The following MUC12 variants were observed in gnomAD, a reference collection of about 807,000 sequenced individuals.
The protein encoded by MUC12 is mucin 12, cell surface associated, also known as mucin-12.
MUC12 carries 172 observed loss-of-function variants against 230.8 expected under a neutral mutation model. That is an observed-to-expected ratio of 0.75 (90% CI 0.66 to 0.85). MUC12 has a LOEUF of 0.85. Ranked by LOEUF, MUC12 falls within the 40% of genes least tolerant of loss-of-function variation. The probability of loss-of-function intolerance (pLI) is 0.00; values close to 1 mark genes in which losing one functional copy is unlikely to be tolerated. For synonymous variants in MUC12, 1,259 were observed against 2,401.9 expected, an observed-to-expected ratio of 0.52 and a Z score of 13.91; for missense variants, 3,506 against 5,920.6, an observed-to-expected ratio of 0.59 and a Z score of 13.38.
intron 1 of MUC12, among the ~76,000 whole-genome samples, chr7:100,988,406 C>T (rs1444755661): frequency 2.0e-5 from 3 of 152,110 alleles, no homozygotes; most frequent in African/African-American, 4.8e-5. Context: ...TCACCTTCTG[C>T]CATGATTGGA....
Position 101,004,795 on chromosome 7 carries a change from C to T in MUC12, c.14232C>T (p.Ser4744=). Residue 4744 remains serine, a synonymous_variant, in exon 2 of 12, where the codon AGC becomes AGT. Coordinates refer to ENST00000536621, the MANE Select transcript of MUC12 (RefSeq NM_001164462.2). ...LSAKSTILYS[S]SRSPDQTLSP... Reference sequence around the variant, plus strand: ...CAAAATCTACCATCCTTTACAGTAGCTCCAGATCACCAGACCAAACACTCT... The same window carrying T: ...CAAAATCTACCATCCTTTACAGTAGTTCCAGATCACCAGACCAAACACTCT... 2.6e-6 allele frequency: 4 copies of T among 1,537,790 alleles called. No individual in the cohort carries two copies. Among genetic ancestry groups the T allele is most frequent in the East Asian group, 2.4e-5 (1 of 40,920 alleles).
intron 1 of MUC12, among the ~76,000 whole-genome samples, chr7:100,989,944 C>T (rs1020437133): frequency 4.6e-5 from 7 of 152,176 alleles, no homozygotes; most frequent in Admixed American, 2.0e-4. Context: ...CCACCCACCT[C>T]GGCCTCCCAA....
chr7:100,992,017 C>A lies in MUC12; in HGVS notation c.1454C>A (p.Thr485Lys). The A allele has an allele frequency of 2.6e-6, 4 of 1,538,004 alleles. No individual in the cohort carries two copies. Among genetic ancestry groups the A allele is most frequent in the Non-Finnish European group, 3.5e-6 (4 of 1,147,082 alleles). Residue 485 changes from threonine (T) to lysine (K), a missense_variant, in exon 2 of 12, where the codon ACA (threonine) becomes AAA (lysine). Thr to Lys is a moderately conservative substitution (Grantham distance 78, BLOSUM62 -1). Transcript: ENST00000536621. ...ACCACAGCGTTACCCGGCAGTACCA[C>A]AAAACCAGGCCTCAGTGAGAAATCT... ...METTALPGST[T>K]KPGLSEKSTT...
chr7:100,970,866 G>A (rs1000521137), intron 1 of MUC12, among the ~76,000 whole-genome samples: 5 of 152,046 alleles, frequency 3.3e-5, no homozygotes, highest in Non-Finnish European at 5.9e-5. Flanking sequence ...GCGAGGTGGC[G>A]GGCACCTGTA....
Position 100,970,493 on chromosome 7 carries a change from AAAAG to A in MUC12, c.67+806_67+809del, listed in dbSNP as rs1792852636. On this transcript the variant is annotated intron_variant, in intron 1 of 11. Coordinates refer to ENST00000536621, the MANE Select transcript of MUC12 (RefSeq NM_001164462.2). ...TAAGAGCAAAACACTGCCAAAAAAA[AAAAG>A]AGAGAGAGAAAGAAAGAGAGAAATA... 5.3e-5 allele frequency among the ~76,000 whole-genome samples: 8 copies of A among 151,954 alleles called. 1 individual carries two copies. The South Asian group carries it at 1.7e-3, about 32-fold the overall frequency.
chr7:100,991,076 A>T lies in MUC12; in HGVS notation c.513A>T (p.Arg171=). ...VSEKSTTSHS[R]PGPTHTIAFP... ...AAAAATCAACCACCTCCCACAGCCGACCAGGCCCAACGCACACAATAGCGT... is the reference window on the plus strand; with the variant it reads ...AAAAATCAACCACCTCCCACAGCCGTCCAGGCCCAACGCACACAATAGCGT... Residue 171 remains arginine (R), a synonymous_variant, in exon 2 of 12, where the codon CGA becomes CGT. Transcript: ENST00000536621. 2 of 1,537,504 alleles carry T rather than the reference A, an allele frequency of 1.3e-6. No individual in the cohort carries two copies.
At position 101,004,693 on chromosome 7, in the gene MUC12, A is replaced by G. The variant is rs1272680519; in HGVS notation, c.14130A>G (p.Glu4710=). 1.3e-6 allele frequency: 2 copies of G among 1,537,886 alleles called. No homozygotes were observed. Among genetic ancestry groups the G allele is most frequent in the Non-Finnish European group, 1.7e-6 (2 of 1,147,046 alleles). Residue 4710 remains glutamate (E), a synonymous_variant, in exon 2 of 12, where the codon GAA becomes GAG. Coordinates refer to ENST00000536621, the MANE Select transcript of MUC12 (RefSeq NM_001164462.2). ...TTACTACCTCAGGCCGCATTGCAGAATCTACCACCTTCTATATCTCTCCAG... is the reference window on the plus strand; with the variant it reads ...TTACTACCTCAGGCCGCATTGCAGAGTCTACCACCTTCTATATCTCTCCAG... ...AHFTTSGRIA[E]STTFYISPGS...
rs1453354183 is a variant in MUC12 at position 100,995,539 on chromosome 7, C to T, written c.4976C>T (p.Ala1659Val). 1 of 1,536,094 alleles carries T rather than the reference C, an allele frequency of 6.5e-7. No individual in the cohort carries two copies. The highest frequency in any genetic ancestry group is 8.7e-7 in the Non-Finnish European group (1 of 1,146,830). Residue 1659 changes from alanine to valine, a missense_variant, in exon 2 of 12, where the codon GCA (alanine) becomes GTA (valine). Transcript: ENST00000536621. ...DNTTASGLLE[A>V]STPVHSSTGS... ...ACCACAGCCTCAGGCCTCCTTGAAG[C>T]ATCTACGCCCGTCCACAGCAGCACT...
Position 101,002,783 on chromosome 7 carries a change from C to A in MUC12, c.12220C>A (p.Gln4074Lys). 8.5e-7 allele frequency: 1 copy of A among 1,174,636 alleles called. No homozygotes were observed. The highest frequency in any genetic ancestry group is 1.4e-5 in the South Asian group (1 of 72,936). The allele number at this position is 1,174,636 out of a possible 1,614,324, so 72.8% of individuals were successfully genotyped here. Residue 4074 changes from glutamine (Q) to lysine (K), a missense_variant, in exon 2 of 12, where the codon CAG becomes AAG. Physicochemically the swap from Gln to Lys is moderately conservative, Grantham distance 53 (BLOSUM62 1). Transcript: ENST00000536621. ...TGCCAGCTCCACAAGCACTGGCCTT[C>A]AGGAAGAATCTACCACTTTCCAGAG... ...TPASSTSTGL[Q>K]EESTTFQSWP...
At chr7:101,008,519 C>G (rs900164490) in intron 3 of MUC12, 115 bp from the exon 4 acceptor site, 28 of 1,374,546 alleles carry the variant, frequency 2.0e-5, no homozygotes, top group Non-Finnish European at 2.5e-5. Context: ...AGTGACCCCA[C>G]CTTCCTCTTA....
In MUC12 at chr7:100,991,147, C is replaced by T; in HGVS notation, c.584C>T (p.Ala195Val). The T allele has an allele frequency of 6.5e-7, 1 of 1,537,822 alleles. No individual in the cohort carries two copies. Among genetic ancestry groups the T allele is most frequent in the Non-Finnish European group, 8.7e-7 (1 of 1,147,038 alleles). Residue 195 changes from alanine (A) to valine (V), a missense_variant, in exon 2 of 12, where the codon GCT (alanine) becomes GTT (valine). Physicochemically the swap from Ala to Val is moderately conservative, Grantham distance 64. Coordinates refer to ENST00000536621, the MANE Select transcript of MUC12 (RefSeq NM_001164462.2). Reference sequence around the variant, plus strand: ...CCAGGCGTCAGTCAGGAATCTACAGCTTCCCACAGCATCCCCGGCTCCACA... The same window carrying T: ...CCAGGCGTCAGTCAGGAATCTACAGTTTCCCACAGCATCCCCGGCTCCACA... ...TMPGVSQEST[A>V]SHSIPGSTDT...
chr7:101,002,912 A>G lies in MUC12; in HGVS notation c.12349A>G (p.Thr4117Ala). The change falls in exon 2 of 12, where the codon ACA becomes GCA. Residue 4117 changes from threonine (T) to alanine (A), a missense_variant. Transcript: ENST00000536621. Reference sequence around the variant, plus strand: ...CAGCCGCCCGAGCTCAACTCCAACAACACACTTTTCTGCCAGTTCCACAAC... The same window carrying G: ...CAGCCGCCCGAGCTCAACTCCAACAGCACACTTTTCTGCCAGTTCCACAAC... ...YHSRPSSTPT[T>A]HFSASSTTLG... The G allele has an allele frequency of 1.6e-6, 2 of 1,230,476 alleles. No homozygotes were observed. The highest frequency in any genetic ancestry group is 2.2e-6 in the Non-Finnish European group (2 of 894,036). 76.2% of individuals were successfully genotyped at this position (1,230,476 alleles called of 1,614,324 possible). A position where few individuals can be genotyped will look rare whatever the true frequency, so the allele number is the denominator to read the frequency against.
Position 100,993,170 on chromosome 7 carries a change from C to CTAGGGA in MUC12, c.2607_2608insTAGGGA (p.Ser869_Thr870insTer). 1.9e-6 allele frequency: 2 copies of CTAGGGA among 1,067,352 alleles called. No homozygotes were observed. Among genetic ancestry groups the CTAGGGA allele is most frequent in the Non-Finnish European group, 1.3e-6 (1 of 793,662 alleles). The allele number at this position is 1,067,352 out of a possible 1,614,324, so 66.1% of individuals were successfully genotyped here. A position where few individuals can be genotyped will look rare whatever the true frequency, so the allele number is the denominator to read the frequency against. On this transcript the variant is annotated stop_gained and inframe_insertion, in exon 2 of 12. Transcript: ENST00000536621. LOFTEE classifies it high-confidence loss of function. ...CGCACACAACAGCATTCCCTGACAG[C>CTAGGGA]ACCACCACGCCAGGCCTCAGTCGGC...
chr7:100,985,468 G>A (rs997808667), intron 1 of MUC12, among the ~76,000 whole-genome samples: 3 of 152,198 alleles, frequency 2.0e-5, no homozygotes, highest in African/African-American at 7.2e-5. Context: ...TGTGGCTAAT[G>A]TTAGTCCTAC....
In MUC12 at chr7:101,004,744, C is replaced by G. The variant is rs201574648; in HGVS notation, c.14181C>G (p.Ser4727Arg). 2.0e-6 allele frequency: 3 copies of G among 1,536,838 alleles called. No homozygotes were observed. The highest frequency in any genetic ancestry group is 2.7e-5 in the African/African-American group (2 of 72,976). The part of the protein sequence containing the change: ...SPGSMETTLA[S>R]TATTPGLSAK... ...GCTCAATGGAAACAACATTAGCCAG[C>G]ACTGCCACAACACCAGGCCTCAGTG... The change falls in exon 2 of 12, where the codon AGC (serine) becomes AGG (arginine). Residue 4727 changes from serine (S) to arginine (R), a missense_variant. Ser to Arg is a moderately radical substitution (Grantham distance 110). Transcript: ENST00000536621.
rs1348828236 is a variant in MUC12, at chr7:100,995,839, G to T, written c.5276G>T (p.Arg1759Leu). 2 of 1,457,604 alleles carry T rather than the reference G, an allele frequency of 1.4e-6. No homozygotes were observed. The highest frequency in any genetic ancestry group is 2.5e-5 in the East Asian group (1 of 39,858). The allele number at this position is 1,457,604 out of a possible 1,614,324, so 90.3% of individuals were successfully genotyped here. A position where few individuals can be genotyped will look rare whatever the true frequency, so the allele number is the denominator to read the frequency against. The change falls in exon 2 of 12, where the codon CGC becomes CTC. Residue 1759 changes from arginine to leucine, a missense_variant. By Grantham distance (102) the Arg-to-Leu change is moderately radical. Transcript: ENST00000536621. ...ACTGCAACAACACCCTCGCCTGCCC[G>T]CTCCACAACCTCAGGCCTCGTTGAA... is the stretch of plus-strand genomic sequence containing the variant. ...VATATTPSPA[R>L]STTSGLVEES... is the part of the protein sequence containing the mutation.
intron 1 of MUC12, among the ~76,000 whole-genome samples, chr7:100,984,907 C>T (rs1793165696): frequency 6.6e-6 from 1 of 152,142 alleles, no homozygotes; most frequent in Non-Finnish European, 1.5e-5. Context: ...CTCTGTTGCT[C>T]AGGCTGGAGT....
In MUC12 at chr7:100,991,961, G is replaced by C. The variant is rs774934044; in HGVS notation, c.1398G>C (p.Thr466=). The C allele has an allele frequency of 6.5e-7, 1 of 1,537,750 alleles. No individual in the cohort carries two copies. The highest frequency in any genetic ancestry group is 2.0e-5 in the Admixed American group (1 of 50,986). ...CCTCAGTTCTTGTTGGAGACTCGAC[G>C]CCCTCACCCATCAGTTCAGGCTCAA... ...STPSVLVGDS[T]PSPISSGSME... Residue 466 remains threonine, a synonymous_variant, in exon 2 of 12, where the codon ACG becomes ACC. Coordinates refer to ENST00000536621, the MANE Select transcript of MUC12 (RefSeq NM_001164462.2).
Position 100,995,948 on chromosome 7 carries a change from A to G in MUC12, c.5385A>G (p.Glu1795=), listed in dbSNP as rs868280283. ...GCTCCACAGCTTCAGGTCGTAGTGA[A>G]GAATCAAGAACTTCCCACAGCAGCA... is the stretch of plus-strand genomic sequence containing the variant. ...PESSTASGRS[E]ESRTSHSSTT... The change falls in exon 2 of 12, where the codon GAA becomes GAG. Residue 1795 remains glutamate (E), a synonymous_variant. Coordinates refer to ENST00000536621, the MANE Select transcript of MUC12 (RefSeq NM_001164462.2). The G allele has an allele frequency of 1.0e-5, 11 of 1,096,116 alleles. No homozygotes were observed. Among genetic ancestry groups the G allele is most frequent in the Admixed American group, 9.7e-5 (4 of 41,398 alleles). The allele number at this position is 1,096,116 out of a possible 1,614,324, so 67.9% of individuals were successfully genotyped here.
Sources: gnomAD v4.1 joint callset for allele counts (sites outside exome capture counted in the v4.1 genomes callset) on GRCh38, gnomAD v4.1.1 for gene constraint, MANE v1.5 for transcripts, NCBI Gene and HGNC (gene_info 2026-07-23, HGNC 2026-07-21) for gene names.